The following IQSEC1 variants were observed in gnomAD, a reference collection of about 807,000 sequenced individuals.
IQSEC1 encodes IQ motif and SEC7 domain-containing protein 1.
Under a neutral mutation model 91.0 loss-of-function variants are expected in IQSEC1, and 31 were observed. That is an observed-to-expected ratio of 0.34 (90% CI 0.26 to 0.46). The LOEUF (loss-of-function observed/expected upper bound fraction) is 0.46, where lower values mean the gene tolerates loss of function less well. IQSEC1 is among the 20% of genes least tolerant of loss of function. The probability of loss-of-function intolerance (pLI) is 1.00; values close to 1 mark genes in which losing one functional copy is unlikely to be tolerated. For missense variants in IQSEC1, 1,388 were observed against 1,575.6 expected, an observed-to-expected ratio of 0.88 and a Z score of 2.02; for synonymous variants, 699 against 662.6, an observed-to-expected ratio of 1.05 and a Z score of -0.84.
chr3:13,167,216 T>C (rs1165730682), intron 1 of IQSEC1, among the ~76,000 whole-genome samples: 3 of 152,124 alleles, frequency 2.0e-5, no homozygotes, highest in African/African-American at 4.8e-5. Flanking sequence ...CCCGATGCTT[T>C]TGCATGGGCT....
chr3:13,227,376 A>AC (rs1491347060), intron 1 of IQSEC1, among the ~76,000 whole-genome samples: 1 of 33,938 alleles, frequency 2.9e-5, no homozygotes, highest in Non-Finnish European at 5.9e-5. Flanking sequence ...ACTCTGTCTC[A>AC]AAAAAAAAAA....
At chr3:13,166,418 C>T (rs1043477856) in intron 1 of IQSEC1, among the ~76,000 whole-genome samples, 3 of 152,196 alleles carry the variant, frequency 2.0e-5, no homozygotes, top group African/African-American at 4.8e-5. Context: ...AGTGCAGTCA[C>T]GCCAGGAGCT....
intron 1 of IQSEC1, among the ~76,000 whole-genome samples, chr3:12,956,884 C>T (rs976643243): frequency 6.6e-6 from 1 of 152,246 alleles, no homozygotes; most frequent in Non-Finnish European, 1.5e-5. Flanking sequence ...GGGTGTCACT[C>T]CTGCTCCGCT....
At chr3:13,183,211 AT>A (rs1417834330) in intron 1 of IQSEC1, among the ~76,000 whole-genome samples, 2 of 151,848 alleles carry the variant, frequency 1.3e-5, no homozygotes, top group East Asian at 1.9e-4. Context: ...ACAAACAAAC[AT>A]AAATAAATAA....
intron 2 of IQSEC1, among the ~76,000 whole-genome samples, chr3:13,100,753 A>G (rs1398508879): frequency 6.7e-6 from 1 of 148,918 alleles, no homozygotes; most frequent in Non-Finnish European, 1.5e-5. Context: ...ACAAATGTTC[A>G]TTGGACACTG....
Position 12,899,937 on chromosome 3 carries a change from G to C in IQSEC1, c.*1046C>G, listed in dbSNP as rs949573994. On this transcript the variant is annotated 3_prime_UTR_variant, in exon 14 of 14. Coordinates refer to ENST00000613206, the MANE Select transcript of IQSEC1 (RefSeq NM_001134382.3). ...GTGCCCCTCTCGGAGGACTCTGAAT[G>C]AGTGTGCGTCAAATCATATGCGCAT... The C allele has an allele frequency of 1.0e-6, 1 of 985,158 alleles. No homozygotes were observed. Among genetic ancestry groups the C allele is most frequent in the East Asian group, 1.1e-4 (1 of 8,822 alleles). 61.0% of individuals were successfully genotyped at this position (985,158 alleles called of 1,614,324 possible).
intron 1 of IQSEC1, among the ~76,000 whole-genome samples, chr3:13,024,412 T>C (rs140564771): frequency 1.8e-5 from 2 of 108,240 alleles, no homozygotes; most frequent in African/African-American, 6.7e-5. Flanking sequence ...CATCCATCCA[T>C]CCATCCACCC....
Position 12,977,833 on chromosome 3 carries a change from T to C in IQSEC1, c.24-35968A>G, listed in dbSNP as rs138539778. The stretch of plus-strand genomic sequence containing the variant: ...TGTTACTGATTTAAACAACACCTTC[T>C]TTTGTCCCAGTGGAAGGAAGACCTG... On this transcript the variant is annotated intron_variant, in intron 1 of 13. Coordinates refer to ENST00000613206, the MANE Select transcript of IQSEC1 (RefSeq NM_001134382.3). Among the ~76,000 whole-genome samples, 181 of 152,324 alleles carry C rather than the reference T, an allele frequency of 1.2e-3. 2 individuals carry two copies. The highest frequency in any genetic ancestry group is 4.0e-3 in the African/African-American group (167 of 41,568).
chr3:13,249,646 G>A (rs1695161947), intron 1 of IQSEC1, among the ~76,000 whole-genome samples: 1 of 152,168 alleles, frequency 6.6e-6, no homozygotes, highest in South Asian at 2.1e-4. Flanking sequence ...AGCTCTTGCT[G>A]TGTGACCCTA....
chr3:12,984,981 C>A (rs1207921381), intron 1 of IQSEC1, among the ~76,000 whole-genome samples: 2 of 151,692 alleles, frequency 1.3e-5, no homozygotes, highest in Admixed American at 1.3e-4. Context: ...CCCACCACCA[C>A]GCCCGGCTAA....
At chr3:12,961,924 T>C (rs1178906572) in intron 1 of IQSEC1, among the ~76,000 whole-genome samples, 3 of 152,228 alleles carry the variant, frequency 2.0e-5, no homozygotes, top group African/African-American at 7.2e-5. Context: ...GAGCTGGCTT[T>C]AGAGTTGGAG....
chr3:13,004,692 A>G (rs1004482334), intron 1 of IQSEC1, among the ~76,000 whole-genome samples: 1 of 152,176 alleles, frequency 6.6e-6, no homozygotes, highest in South Asian at 2.1e-4. Context: ...GGAATCAGCA[A>G]GAGTAGGTGG....
In IQSEC1 at chr3:12,979,142, T is replaced by A. The variant is rs1701335967; in HGVS notation, c.24-37277A>T. On this transcript the variant is annotated intron_variant, in intron 1 of 13. Coordinates refer to ENST00000613206, the MANE Select transcript of IQSEC1 (RefSeq NM_001134382.3). The surrounding 1 kb of genome is among the most constrained non-coding windows in gnomAD (Gnocchi z 4.3). ...CACATAGCACCTGTATACATTCCAA[T>A]TACTTAACGCTCTTCATTCTATCAA... 6.6e-6 allele frequency among the ~76,000 whole-genome samples: 1 copy of A among 152,162 alleles called. No individual in the cohort carries two copies. Among genetic ancestry groups the A allele is most frequent in the Admixed American group, 6.5e-5 (1 of 15,282 alleles).
intron 1 of IQSEC1, among the ~76,000 whole-genome samples, chr3:13,004,416 G>C (rs981748719): frequency 6.6e-6 from 1 of 152,156 alleles, no homozygotes; most frequent in South Asian, 2.1e-4. Context: ...CTCTGCAGGA[G>C]GGGGAAGCCG....
intron 2 of IQSEC1, among the ~76,000 whole-genome samples, chr3:13,114,388 G>A (rs184638870): frequency 1.2e-4 from 18 of 152,362 alleles, no homozygotes; most frequent in African/African-American, 3.6e-4. Context: ...CACAGGGAGA[G>A]AAGGACTGGC....
chr3:13,186,388 G>A (rs1559272851), intron 1 of IQSEC1, among the ~76,000 whole-genome samples: 1 of 152,302 alleles, frequency 6.6e-6, no homozygotes, highest in East Asian at 1.9e-4. Context: ...CATTACCAGA[G>A]ATGAAAAGTC....
chr3:13,113,355 T>C (rs1206186938), intron 2 of IQSEC1, among the ~76,000 whole-genome samples: 1 of 152,232 alleles, frequency 6.6e-6, no homozygotes, highest in East Asian at 1.9e-4. Flanking sequence ...TGCTCACCCC[T>C]TACTGCTGTG....
intron 1 of IQSEC1, among the ~76,000 whole-genome samples, chr3:13,240,364 T>A (rs7612658): frequency 6.6e-6 from 1 of 151,926 alleles, no homozygotes; most frequent in African/African-American, 2.4e-5. Context: ...GAGTGAGACC[T>A]TATCGCTAAT....
rs1288365858 is a variant in IQSEC1 at position 13,214,476 on chromosome 3, G to C, written c.273-50343C>G. Among the ~76,000 whole-genome samples, 1 of 152,246 alleles carries C rather than the reference G, an allele frequency of 6.6e-6. No individual in the cohort carries two copies. The highest frequency in any genetic ancestry group is 2.4e-5 in the African/African-American group (1 of 41,464). On this transcript the variant is annotated intron_variant, in intron 1 of 15. Transcript: ENST00000648114. The surrounding 1 kb of genome is among the most constrained non-coding windows in gnomAD (Gnocchi z 4.5). ...TTGAATCTGGGACATGTCCCTCCTCGTAGCCCTCCTTCCTCCAAGAAACAA... is the reference window on the plus strand; with the variant it reads ...TTGAATCTGGGACATGTCCCTCCTCCTAGCCCTCCTTCCTCCAAGAAACAA...
Sources: gnomAD v4.1 joint callset for allele counts (sites outside exome capture counted in the v4.1 genomes callset) on GRCh38, gnomAD v4.1.1 for gene constraint, Gnocchi (gnomAD v3.1) non-coding constraint, MANE v1.5 for transcripts, NCBI Gene and HGNC (gene_info 2026-07-23, HGNC 2026-07-21) for gene names.